Variants in PIH1D2 observed in about 807,000 individuals in gnomAD.
PIH1D2 encodes the protein PIH1 domain-containing protein 2.
A neutral mutation model predicts 31.2 loss-of-function variants in PIH1D2; 25 were observed. The observed-to-expected ratio is 0.80, with a 90% confidence interval of 0.58 to 1.12. The LOEUF (loss-of-function observed/expected upper bound fraction) is 1.12, where lower values mean the gene tolerates loss of function less well. Among genes scored for constraint, PIH1D2 ranks in the 50% most tolerant of loss-of-function variants. The pLI, the probability that PIH1D2 is intolerant of heterozygous loss-of-function variation, is 0.00. For synonymous variants in PIH1D2, 116 were observed against 119.9 expected (o/e 0.97, Z 0.21); for missense variants, 310 against 356.6 (o/e 0.87, Z 1.05).
At chr11:112,071,812 G>T in intron 2 of PIH1D2, 54 bp from the exon 3 acceptor site, 2 of 1,591,822 alleles carry the variant, frequency 1.3e-6, no homozygotes, top group Non-Finnish European at 1.7e-6. Flanking sequence ...ACCATTTAAG[G>T]CCAGGCATGG....
At chr11:112,055,235 A>ATTTTTT in the PIH1D2 span, among the ~76,000 whole-genome samples, 2 of 75,444 alleles carry the variant, frequency 2.7e-5, no homozygotes, top group East Asian at 4.0e-4. Context: ...GTCAAGGCCT[A>ATTTTTT]TTTTTTTTTT....
the PIH1D2 span, among the ~76,000 whole-genome samples, chr11:112,055,235 ATTTTTTTTT>A: frequency 1.3e-4 from 10 of 75,442 alleles, no homozygotes; most frequent in South Asian, 1.5e-3. Flanking sequence ...GTCAAGGCCT[ATTTTTTTTT>A]TTTTTTTTTT....
downstream of PIH1D2, chr11:112,061,230 T>C: frequency 6.3e-7 from 1 of 1,599,774 alleles, no homozygotes; most frequent in Non-Finnish European, 8.6e-7. Context: ...ACTGTACACT[T>C]GTCCTGTGGT....
the PIH1D2 span, among the ~76,000 whole-genome samples, chr11:112,052,661 C>T: frequency 6.6e-6 from 1 of 151,918 alleles, no homozygotes; most frequent in African/African-American, 2.4e-5. Flanking sequence ...CTCATTAAAT[C>T]TTGTTGAAGG....
At chr11:112,071,584 G>A (rs1566657915) in intron 3 of PIH1D2, 51 bp downstream of exon 3, 1 of 1,570,458 alleles carries the variant, frequency 6.4e-7, no homozygotes, top group Non-Finnish European at 8.8e-7. Context: ...GTAAGATCTT[G>A]TCCATTCCTA....
chr11:112,070,777 G>A (rs1865085708), intron 4 of PIH1D2, 76 bp from the exon 5 acceptor site: 3 of 1,443,878 alleles, frequency 2.1e-6, no homozygotes, highest in African/African-American at 2.9e-5. Flanking sequence ...TAATATATGT[G>A]GTGTTAGTAG....
Position 112,068,003 on chromosome 11 carries a change from A to C in PIH1D2, c.816T>G (p.Asp272Glu), listed in dbSNP as rs1566651923. 2.6e-6 allele frequency: 4 copies of C among 1,555,984 alleles called. No homozygotes were observed. Among genetic ancestry groups the C allele is most frequent in the Non-Finnish European group, 3.5e-6 (4 of 1,136,350 alleles). The change falls in exon 6 of 6, where the codon GAT becomes GAG. Residue 272 changes from aspartate to glutamate, a missense_variant and splice_region_variant. Transcript: ENST00000280350. ...VSLCDLSVSEDDLLIEVSEKY... is the reference protein window; with the variant it reads ...VSLCDLSVSEEDLLIEVSEKY... ...TCTCAGATACTTCAATCAATAAATC[A>C]TCCTAAGAATAATAAACCAAGAGAT...
the PIH1D2 span, among the ~76,000 whole-genome samples, chr11:112,056,559 A>G: frequency 6.6e-6 from 1 of 152,196 alleles, no homozygotes; most frequent in South Asian, 2.1e-4. Context: ...TAATCGTATC[A>G]ATATACCTCT....
chr11:112,071,549 T>G, intron 3 of PIH1D2, 86 bp downstream of exon 3: 1 of 1,459,646 alleles, frequency 6.9e-7, no homozygotes, highest in African/African-American at 1.4e-5. Flanking sequence ...AAATAAAGAG[T>G]TTTACTTGAA....
At chr11:112,062,471 T>G, downstream of PIH1D2, 1 of 1,612,804 alleles carries the variant, frequency 6.2e-7, no homozygotes, top group South Asian at 1.1e-5. Context: ...GATGGAGCAG[T>G]TGGAGCCCAG....
downstream of PIH1D2, among the ~76,000 whole-genome samples, chr11:112,059,503 C>T (rs1490261699): frequency 2.6e-5 from 4 of 152,174 alleles, no homozygotes; most frequent in African/African-American, 9.6e-5. Flanking sequence ...AGTGGTTCTC[C>T]TGCCTCAGCC....
At chr11:112,071,985 C>T (rs1392677986) in intron 2 of PIH1D2, among the ~76,000 whole-genome samples, 10 of 151,736 alleles carry the variant, frequency 6.6e-5, no homozygotes, top group East Asian at 3.9e-4. Context: ...CCCAGCTACT[C>T]GGGAGGCTGA....
At chr11:112,053,906 C>T in the PIH1D2 span, among the ~76,000 whole-genome samples, 31 of 152,240 alleles carry the variant, frequency 2.0e-4, no homozygotes, top group Non-Finnish European at 3.7e-4. Flanking sequence ...AGCTTTAGCT[C>T]CAGTCTTGGG....
Position 112,067,860 on chromosome 11 carries a change from ATGC to A in PIH1D2, c.*8_*10del. The A allele has an allele frequency of 6.2e-7, 1 of 1,611,658 alleles. No individual in the cohort carries two copies. Among genetic ancestry groups the A allele is most frequent in the South Asian group, 1.1e-5 (1 of 90,774 alleles). ...TAGCACTGAAAACCCAAAACATATGATGCTCTTCTTTCACACCAAAGGCATTGT... is the reference window on the plus strand; with the variant it reads ...TAGCACTGAAAACCCAAAACATATGATCTTCTTTCACACCAAAGGCATTGT... On this transcript the variant is annotated 3_prime_UTR_variant, in exon 6 of 6. Transcript: ENST00000280350.
At chr11:112,064,133 CCAT>C, downstream of PIH1D2, 1 of 1,482,960 alleles carries the variant, frequency 6.7e-7, no homozygotes, top group Admixed American at 2.4e-5. Context: ...TCACAAGGGA[CCAT>C]CATCAATATG....
In PIH1D2 at chr11:112,067,941, T is replaced by A; in HGVS notation, c.878A>T (p.Asp293Val). Reference protein sequence around the residue: ...RLHLNLPKLIDTEMTTAKFIK... With the variant: ...RLHLNLPKLIVTEMTTAKFIK... ...AAATTTTGCTGTGGTCATTTCAGTA[T>A]CAATAAGTTTTGGAAGATTCAGATG... The change falls in exon 6 of 6, where the codon GAT becomes GTT. Residue 293 changes from aspartate to valine, a missense_variant. Physicochemically the swap from Asp to Val is radical, Grantham distance 152. Coordinates refer to ENST00000280350, the MANE Select transcript of PIH1D2 (RefSeq NM_138789.4). 1.9e-6 allele frequency: 3 copies of A among 1,609,130 alleles called. No individual in the cohort carries two copies. Among genetic ancestry groups the A allele is most frequent in the Non-Finnish European group, 1.7e-6 (2 of 1,176,064 alleles).
downstream of PIH1D2, among the ~76,000 whole-genome samples, chr11:112,059,060 A>T (rs587690533): frequency 6.6e-6 from 1 of 152,194 alleles, no homozygotes; most frequent in African/African-American, 2.4e-5. Context: ...GTAAAAAAAA[A>T]AAAAAGATTG....
At chr11:112,062,305 C>A, downstream of PIH1D2, 1 of 1,254,224 alleles carries the variant, frequency 8.0e-7, no homozygotes. Context: ...GGAAGTATTA[C>A]CTGGTTGGGA....
chr11:112,059,694 T>G (rs1427978560), downstream of PIH1D2, among the ~76,000 whole-genome samples: 1 of 152,090 alleles, frequency 6.6e-6, no homozygotes, highest in African/African-American at 2.4e-5. Flanking sequence ...TTCCCGGACC[T>G]CTCTTTGATT....
Sources: allele counts gnomAD v4.1 joint callset (sites outside exome capture counted in the v4.1 genomes callset), GRCh38; gene constraint gnomAD v4.1.1; transcripts MANE v1.5; gene names NCBI Gene and HGNC (gene_info 2026-07-23, HGNC 2026-07-21).